HMGA2: variants seen among roughly 807,000 people sequenced by gnomAD.
The protein encoded by HMGA2 is high mobility group protein HMGI-C.
In HMGA2, 8 loss-of-function variants were observed where a neutral mutation model predicts 19.1. The ratio of observed to expected loss-of-function variants is 0.42; its 90% CI spans 0.25 to 0.76. HMGA2 has a LOEUF of 0.76. Among genes scored for constraint, HMGA2 ranks in the 30% least tolerant of loss-of-function variants. HMGA2 has a pLI of 0.28. For synonymous variants in HMGA2, 60 were observed against 48.8 expected, an observed-to-expected ratio of 1.23 and a Z score of -0.96; for missense variants, 109 against 136.3, an observed-to-expected ratio of 0.80 and a Z score of 1.00.
chr12:65,868,929 A>G lies in HMGA2; in HGVS notation c.249+30360A>G, dbSNP rs561992069. Reference sequence around the variant, plus strand: ...AAATGTAGACAAGGTCATATTATAAACATTAATGCTGTCCCAAACTGCCAA... The same window carrying G: ...AAATGTAGACAAGGTCATATTATAAGCATTAATGCTGTCCCAAACTGCCAA... On this transcript the variant is annotated intron_variant, in intron 3 of 4. Coordinates refer to ENST00000403681, the MANE Select transcript of HMGA2 (RefSeq NM_003483.6). 1.3e-3 allele frequency among the ~76,000 whole-genome samples: 204 copies of G among 152,332 alleles called. 1 individual carries two copies. The highest frequency in any genetic ancestry group is 4.6e-3 in the African/African-American group (190 of 41,586).
rs550902758 is a variant in HMGA2 at position 65,924,641 on chromosome 12, C to T, written c.250-26742C>T. ...GGTGAAAACCCATCTCTACTAAAAA[C>T]GCAAAAATTAGCTGGGCGTTGTGGG... On this transcript the variant is annotated intron_variant, in intron 3 of 4. Transcript: ENST00000403681. Among the ~76,000 whole-genome samples the T allele has an allele frequency of 1.5e-3, 231 of 152,120 alleles. 1 individual carries two copies. Among genetic ancestry groups the T allele is most frequent in the Admixed American group, 3.0e-3 (46 of 15,288 alleles).
Position 65,899,291 on chromosome 12 carries a change from T to C in HMGA2, c.250-52092T>C, listed in dbSNP as rs76697531. Among the ~76,000 whole-genome samples, 72 of 152,348 alleles carry C rather than the reference T, an allele frequency of 4.7e-4. No individual in the cohort carries two copies. The East Asian group carries it at 0.012, about 26-fold the overall frequency. On this transcript the variant is annotated intron_variant, in intron 3 of 4. Transcript: ENST00000403681. ...TTCATAGCTTGTAGTTTATGACACA[T>C]TTGGGAGCAAGTCCTTTCCAATGTT...
chr12:65,943,971 G>A (rs551340762), intron 3 of HMGA2, among the ~76,000 whole-genome samples: 1 of 152,278 alleles, frequency 6.6e-6, no homozygotes, highest in African/African-American at 2.4e-5. Flanking sequence ...CCCAACTTAG[G>A]AAGCACTAAA....
At chr12:65,863,204 G>GA (rs1872203073) in intron 3 of HMGA2, among the ~76,000 whole-genome samples, 1 of 152,214 alleles carries the variant, frequency 6.6e-6, no homozygotes. Context: ...TTTGCCTCTG[G>GA]AAAAGTTAAG....
chr12:65,847,959 A>C (rs1337598088), intron 3 of HMGA2, among the ~76,000 whole-genome samples: 4 of 152,222 alleles, frequency 2.6e-5, no homozygotes, highest in Non-Finnish European at 5.9e-5. Context: ...TGTATTTCCA[A>C]AGAGGCTACA....
chr12:65,875,589 ATTTTTTTTTTTTTTTTTTTTTTTTT>A (rs71096056), intron 3 of HMGA2, among the ~76,000 whole-genome samples: 23 of 26,116 alleles, frequency 8.8e-4, no homozygotes, highest in Admixed American at 4.1e-3. Context: ...GTGCCCGGCT[ATTTTTTTTTTTTTTTTTTTTTTTTT>A]TTTTTTTTTT....
At chr12:65,881,757 G>T (rs1873407017) in intron 3 of HMGA2, 1 of 703,086 alleles carries the variant, frequency 1.4e-6, no homozygotes, top group Non-Finnish European at 2.6e-6. Context: ...TGCTAATGAA[G>T]AGCCCGTGCT....
chr12:65,920,675 CT>C (rs1177985756), intron 3 of HMGA2, among the ~76,000 whole-genome samples: 2 of 152,188 alleles, frequency 1.3e-5, no homozygotes, highest in Non-Finnish European at 2.9e-5. Context: ...CTCATTTTCT[CT>C]TGCCACTGCC....
chr12:65,869,028 T>C (rs989071411), intron 3 of HMGA2, among the ~76,000 whole-genome samples: 26 of 152,210 alleles, frequency 1.7e-4, no homozygotes, highest in African/African-American at 5.5e-4. Context: ...TTGGCATTGG[T>C]AAGCCGCTAC....
chr12:65,882,253 C>T (rs1873452717), intron 3 of HMGA2: 1 of 288,354 alleles, frequency 3.5e-6, no homozygotes. Flanking sequence ...TCTGTTCATA[C>T]TGAAGCAGCC....
chr12:65,851,610 G>A (rs1211053673), intron 3 of HMGA2: 2 of 437,424 alleles, frequency 4.6e-6, no homozygotes, highest in African/African-American at 4.1e-5. Flanking sequence ...GGAGTTTGGA[G>A]TGAGCCAAGA....
At chr12:65,862,761 A>G (rs959740260) in intron 3 of HMGA2, among the ~76,000 whole-genome samples, 18 of 152,208 alleles carry the variant, frequency 1.2e-4, no homozygotes, top group Non-Finnish European at 2.6e-4. Flanking sequence ...TGATGGAGCC[A>G]TGGGTCACAG....
chr12:65,866,874 T>C (rs1366426102), intron 3 of HMGA2: 3 of 457,332 alleles, frequency 6.6e-6, no homozygotes, highest in Non-Finnish European at 1.3e-5. Flanking sequence ...CAAATTTTTC[T>C]TTCTGCTGCT....
intron 2 of HMGA2, among the ~76,000 whole-genome samples, chr12:65,835,084 T>C (rs966418414): frequency 6.6e-6 from 1 of 152,202 alleles, no homozygotes; most frequent in Non-Finnish European, 1.5e-5. Context: ...CAATAAATAG[T>C]GAGAATTAGT....
intron 2 of HMGA2, among the ~76,000 whole-genome samples, chr12:65,836,282 C>A (rs1870719885): frequency 6.6e-6 from 1 of 151,942 alleles, no homozygotes; most frequent in Admixed American, 6.6e-5. Flanking sequence ...TGGAGTGAAC[C>A]CGGGAGGCGC....
intron 3 of HMGA2, among the ~76,000 whole-genome samples, chr12:65,849,932 T>C (rs1201723108): frequency 6.6e-6 from 1 of 152,076 alleles, no homozygotes; most frequent in East Asian, 1.9e-4. Context: ...TTGGCCAGGC[T>C]GGTCTCAAAC....
In HMGA2 at chr12:65,965,375, AC is replaced by A. The variant is rs1876879044; in HGVS notation, c.*2084del. ...CCTTTCTCTCCTAGTGAGTGTGCTG[AC>A]TTTTTAACATGGTATTATCAACTGG... is the stretch of plus-strand genomic sequence containing the variant. On this transcript the variant is annotated 3_prime_UTR_variant, in exon 5 of 5. Coordinates refer to ENST00000403681, the MANE Select transcript of HMGA2 (RefSeq NM_003483.6). The A allele has an allele frequency of 4.9e-6, 1 of 204,366 alleles. No homozygotes were observed. Among genetic ancestry groups the A allele is most frequent in the African/African-American group, 2.3e-5 (1 of 43,746 alleles). 12.7% of individuals were successfully genotyped at this position (204,366 alleles called of 1,614,324 possible).
chr12:65,913,728 T>C (rs891961533), intron 3 of HMGA2, among the ~76,000 whole-genome samples: 1 of 152,188 alleles, frequency 6.6e-6, no homozygotes, highest in African/African-American at 2.4e-5. Flanking sequence ...AGCTCATGAC[T>C]TCTCTGAACG....
intron 3 of HMGA2, among the ~76,000 whole-genome samples, chr12:65,840,360 G>C (rs1870944362): frequency 6.6e-6 from 1 of 152,156 alleles, no homozygotes; most frequent in Non-Finnish European, 1.5e-5. Context: ...CAAGCATCAG[G>C]GGATGACTTT....
Sources: gnomAD v4.1 joint callset for allele counts (sites outside exome capture counted in the v4.1 genomes callset) on GRCh38, gnomAD v4.1.1 for gene constraint, MANE v1.5 for transcripts, NCBI Gene and HGNC (gene_info 2026-07-23, HGNC 2026-07-21) for gene names.